The following MECR variants were observed in gnomAD, a reference collection of about 807,000 sequenced individuals.
MECR encodes the protein enoyl-[acyl-carrier-protein] reductase, mitochondrial.
A neutral mutation model predicts 49.1 loss-of-function variants in MECR; 37 were observed. The observed-to-expected ratio is 0.75, with a 90% CI of 0.58 to 0.99. The LOEUF (loss-of-function observed/expected upper bound fraction) is 0.99. Ranked by LOEUF, MECR falls within the 50% of genes least tolerant of loss-of-function variation. The pLI is 0.00. For synonymous variants in MECR, 198 were observed against 191.1 expected (o/e 1.04, Z -0.30); for missense variants, 470 against 479.6 (o/e 0.98, Z 0.19).
the MECR span, chr1:29,173,035 A>G: frequency 1.3e-5 from 2 of 152,122 alleles, no homozygotes; most frequent in African/African-American, 2.4e-5. Context: ...CACCCATCTT[A>G]AAAGGATGCT....
At chr1:29,172,206 G>GTTATATTACTAATAAAACAAAAAAAA in the MECR span, 3 of 152,114 alleles carry the variant, frequency 2.0e-5, no homozygotes, top group Admixed American at 6.5e-5. Flanking sequence ...ATGACAGAAT[G>GTTATATTACTAATAAAACAAAAAAAA]CTACTTAATT....
At chr1:29,181,903 C>T in the MECR span, 2 of 511,784 alleles carry the variant, frequency 3.9e-6, no homozygotes, top group Non-Finnish European at 6.2e-6. Context: ...GAGCACGCAG[C>T]TCGCGAGCGC....
intron 1 of MECR, among the ~76,000 whole-genome samples, chr1:29,217,641 C>A (rs188138804): frequency 1.7e-4 from 26 of 152,274 alleles, no homozygotes; most frequent in Admixed American, 3.3e-4. Context: ...ATCAGGCCCA[C>A]CTCTGATCTA....
rs1683286988 is a variant in MECR at position 29,230,920 on chromosome 1, AAC to A, written c.-16_-15del. The A allele has an allele frequency of 2.5e-6, 4 of 1,580,288 alleles. No individual in the cohort carries two copies. Among genetic ancestry groups the A allele is most frequent in the Non-Finnish European group, 3.4e-6 (4 of 1,168,810 alleles). On this transcript the variant is annotated 5_prime_UTR_variant, in exon 1 of 10. Coordinates refer to ENST00000263702, the MANE Select transcript of MECR (RefSeq NM_016011.5). ...GCAGACCCACATGCTCGCTCCAACC[AAC>A]ACAGAGCCTGACGCCCCGGCTACGT...
chr1:29,207,578 G>GAA (rs552884865), intron 3 of MECR, among the ~76,000 whole-genome samples: 23 of 105,454 alleles, frequency 2.2e-4, no homozygotes, highest in Non-Finnish European at 2.6e-4. Flanking sequence ...TGTCTCTACA[G>GAA]AAAAAAAAAA....
the MECR span, chr1:29,170,385 CCA>C: frequency 2.6e-5 from 4 of 152,156 alleles, no homozygotes; most frequent in Admixed American, 1.3e-4. Context: ...CTACCTGATT[CCA>C]CACAAAAGCT....
At chr1:29,230,645 C>T in intron 1 of MECR, 86 bp downstream of exon 1, 2 of 1,490,478 alleles carry the variant, frequency 1.3e-6, no homozygotes, top group Non-Finnish European at 1.8e-6. Context: ...TCCTCGGACC[C>T]TGTCCCTCTC....
At chr1:29,180,901 C>A in the MECR span, among the ~76,000 whole-genome samples, 6 of 152,240 alleles carry the variant, frequency 3.9e-5, no homozygotes, top group Non-Finnish European at 7.3e-5. Flanking sequence ...GACGCAGATA[C>A]TAGCCAGGGT....
intron 1 of MECR, among the ~76,000 whole-genome samples, chr1:29,219,604 G>A (rs1680270195): frequency 6.6e-6 from 1 of 152,108 alleles, no homozygotes; most frequent in Admixed American, 6.5e-5. Flanking sequence ...TTTAGTTTGT[G>A]AAGCCATTTC....
In MECR at chr1:29,230,919, C is replaced by G. The variant is rs751997546; in HGVS notation, c.-13G>C. On this transcript the variant is annotated 5_prime_UTR_variant, in exon 1 of 10. Coordinates refer to ENST00000263702, the MANE Select transcript of MECR (RefSeq NM_016011.5). ...TGCAGACCCACATGCTCGCTCCAAC[C>G]AACACAGAGCCTGACGCCCCGGCTA... The G allele has an allele frequency of 1.9e-6, 3 of 1,580,824 alleles. No individual in the cohort carries two copies. The highest frequency in any genetic ancestry group is 2.6e-6 in the Non-Finnish European group (3 of 1,169,040).
intron 6 of MECR, among the ~76,000 whole-genome samples, 177 bp from the exon 7 acceptor site, chr1:29,200,766 G>A (rs1675124227): frequency 2.0e-5 from 3 of 152,036 alleles, no homozygotes; most frequent in African/African-American, 7.2e-5. Flanking sequence ...CTTTTTCTCT[G>A]CTTAGGAAGT....
At chr1:29,219,222 G>T (rs2151904170) in intron 1 of MECR, among the ~76,000 whole-genome samples, 1 of 152,316 alleles carries the variant, frequency 6.6e-6, no homozygotes, top group African/African-American at 2.4e-5. Context: ...GAAAAATCCT[G>T]CCCAGAGCAA....
At chr1:29,175,511 C>A in the MECR span, among the ~76,000 whole-genome samples, 1 of 150,038 alleles carries the variant, frequency 6.7e-6, no homozygotes, top group African/African-American at 2.5e-5. Flanking sequence ...CTGGGTAACA[C>A]AGTGAAACCC....
At chr1:29,186,374 C>T in the MECR span, among the ~76,000 whole-genome samples, 4 of 152,194 alleles carry the variant, frequency 2.6e-5, no homozygotes, top group Admixed American at 2.0e-4. Flanking sequence ...CCTTCCATGT[C>T]CACCTTATTT....
intron 1 of MECR, chr1:29,220,661 T>C (rs1375618862): frequency 1.3e-5 from 2 of 152,584 alleles, no homozygotes; most frequent in Non-Finnish European, 2.9e-5. Context: ...AGTTCATAGA[T>C]GATGGGTAGA....
chr1:29,216,473 G>A, intron 2 of MECR, 115 bp downstream of exon 2: 1 of 1,094,200 alleles, frequency 9.1e-7, no homozygotes. Context: ...GGCTCATCTG[G>A]AGAACAGCTG....
At chr1:29,180,157 G>A in the MECR span, among the ~76,000 whole-genome samples, 1 of 152,214 alleles carries the variant, frequency 6.6e-6, no homozygotes, top group Non-Finnish European at 1.5e-5. Flanking sequence ...GTAGTAAGTG[G>A]TGGAACCAGG....
intron 1 of MECR, among the ~76,000 whole-genome samples, chr1:29,218,748 G>A (rs1680075271): frequency 6.6e-6 from 1 of 152,154 alleles, no homozygotes; most frequent in Non-Finnish European, 1.5e-5. Context: ...GTGTGTGCCT[G>A]TAGTCCCAGC....
the MECR span, chr1:29,181,643 C>T: frequency 1.9e-6 from 3 of 1,586,812 alleles, no homozygotes; most frequent in Non-Finnish European, 2.6e-6. Flanking sequence ...TCGCCCTCCT[C>T]ACCCGTTCTT....
Sources: gnomAD v4.1 joint callset for allele counts (sites outside exome capture counted in the v4.1 genomes callset) on GRCh38, gnomAD v4.1.1 for gene constraint, MANE v1.5 for transcripts, NCBI Gene and HGNC (gene_info 2026-07-23, HGNC 2026-07-21) for gene names.